Variants in ARHGAP26 observed in about 807,000 individuals in gnomAD.
The protein encoded by ARHGAP26 is rho GTPase-activating protein 26.
In ARHGAP26, 38 loss-of-function variants were observed where a neutral mutation model predicts 104.8. The observed-to-expected ratio is 0.36, with a 90% CI of 0.28 to 0.48. The LOEUF is 0.48. Among genes scored for constraint, ARHGAP26 ranks in the 20% least tolerant of loss-of-function variants. The pLI, the probability that ARHGAP26 is intolerant of heterozygous loss-of-function variation, is 0.99. For synonymous variants in ARHGAP26, 341 were observed against 340.0 expected (o/e 1.00, Z -0.03); for missense variants, 704 against 947.9 (o/e 0.74, Z 3.38).
chr5:142,976,936 A>T (rs1326390130), intron 11 of ARHGAP26, among the ~76,000 whole-genome samples: 1 of 152,198 alleles, frequency 6.6e-6, no homozygotes, highest in Admixed American at 6.5e-5. Flanking sequence ...TGCACGCAAG[A>T]GTACACCTCT....
intron 20 of ARHGAP26, 90 bp downstream of exon 20, chr5:143,147,471 C>T: frequency 7.0e-7 from 1 of 1,436,418 alleles, no homozygotes; most frequent in Non-Finnish European, 9.4e-7. Context: ...TGACTTTGGA[C>T]CATTATCCCC....
intron 1 of ARHGAP26, 119 bp from the exon 2 acceptor site, chr5:142,873,281 A>T (rs188596348): frequency 6.0e-6 from 4 of 663,648 alleles, no homozygotes; most frequent in Non-Finnish European, 1.0e-5. Context: ...GTGCTTTGAA[A>T]TGGACTCAGG....
chr5:142,808,453 C>G (rs1399052882), intron 1 of ARHGAP26, among the ~76,000 whole-genome samples: 1 of 146,666 alleles, frequency 6.8e-6, no homozygotes, highest in Non-Finnish European at 1.5e-5. Flanking sequence ...TTTTTTTTTT[C>G]TCATCAGTTT....
intron 10 of ARHGAP26, among the ~76,000 whole-genome samples, chr5:142,929,527 C>T (rs1764410646): frequency 6.6e-6 from 1 of 152,172 alleles, no homozygotes; most frequent in Admixed American, 6.5e-5. Context: ...TATCTTGGTT[C>T]TTGGAAATTC....
chr5:143,005,597 T>C (rs1452542222), intron 11 of ARHGAP26, among the ~76,000 whole-genome samples: 3 of 152,216 alleles, frequency 2.0e-5, no homozygotes, highest in Admixed American at 1.3e-4. Flanking sequence ...TGAACAGTAG[T>C]ATTCACGGGT....
rs1808400018 is a variant in ARHGAP26 at position 143,205,357 on chromosome 5, A to G, written c.1989-1841A>G. On this transcript the variant is annotated intron_variant, in intron 20 of 22. Coordinates refer to ENST00000645722, the MANE Select transcript of ARHGAP26 (RefSeq NM_001135608.3). Reference sequence around the variant, plus strand: ...AGCTTTAAAGAGTCATACTCTTTACATTTTATTTCTTCTCTTATATGAATG... The same window carrying G: ...AGCTTTAAAGAGTCATACTCTTTACGTTTTATTTCTTCTCTTATATGAATG... Among the ~76,000 whole-genome samples, 3 of 152,118 alleles carry G rather than the reference A, an allele frequency of 2.0e-5. 1 individual carries two copies. Among genetic ancestry groups the G allele is most frequent in the African/African-American group, 7.2e-5 (3 of 41,426 alleles).
At chr5:143,167,482 C>CAAAAAAAAAAAAAAAAAAAAAA (rs6149274) in intron 20 of ARHGAP26, among the ~76,000 whole-genome samples, 2 of 60,088 alleles carry the variant, frequency 3.3e-5, no homozygotes, top group African/African-American at 8.4e-5. Flanking sequence ...GACTCCATCT[C>CAAAAAAAAAAAAAAAAAAAAAA]AAAAAAAAAA....
chr5:143,220,615 C>G (rs1474485588), intron 22 of ARHGAP26, among the ~76,000 whole-genome samples: 3 of 152,166 alleles, frequency 2.0e-5, no homozygotes, highest in African/African-American at 7.2e-5. Context: ...GGCCAGGTTG[C>G]TTTTAAGTTG....
chr5:142,813,041 C>T (rs571059524), intron 1 of ARHGAP26, among the ~76,000 whole-genome samples: 50 of 150,912 alleles, frequency 3.3e-4, no homozygotes, highest in Admixed American at 9.2e-4. Flanking sequence ...GGGTTCACGC[C>T]ATTCTCCTGC....
At chr5:143,058,173 T>C in intron 17 of ARHGAP26, 1 of 425,172 alleles carries the variant, frequency 2.4e-6, no homozygotes, top group Non-Finnish European at 4.6e-6. Flanking sequence ...CTGACTCTGT[T>C]ATTAACCTGC....
intron 11 of ARHGAP26, among the ~76,000 whole-genome samples, chr5:142,950,940 A>G (rs1481673321): frequency 6.6e-6 from 1 of 151,996 alleles, no homozygotes; most frequent in East Asian, 1.9e-4. Flanking sequence ...AGAAGTGAGA[A>G]TAAGACCTTT....
At chr5:142,785,089 C>T (rs1758294697) in intron 1 of ARHGAP26, among the ~76,000 whole-genome samples, 1 of 152,030 alleles carries the variant, frequency 6.6e-6, no homozygotes, top group African/African-American at 2.4e-5. Context: ...CACCACCATG[C>T]CCGGCTAATT....
At chr5:143,067,145 G>A (rs927730880) in intron 17 of ARHGAP26, among the ~76,000 whole-genome samples, 9 of 152,054 alleles carry the variant, frequency 5.9e-5, no homozygotes, top group Admixed American at 1.3e-4. Flanking sequence ...GGGATGGCGC[G>A]TTATATCATG....
At chr5:142,990,826 T>A (rs1598513941) in intron 11 of ARHGAP26, among the ~76,000 whole-genome samples, 1 of 152,142 alleles carries the variant, frequency 6.6e-6, no homozygotes, top group Non-Finnish European at 1.5e-5. Flanking sequence ...CTCTGGAAGC[T>A]TCATCTCAGA....
intron 10 of ARHGAP26, among the ~76,000 whole-genome samples, chr5:142,931,757 T>TTGAACAACGTCTA (rs1405620702): frequency 6.6e-6 from 1 of 152,242 alleles, no homozygotes; most frequent in South Asian, 2.1e-4. Flanking sequence ...TTTCAAGGAA[T>TTGAACAACGTCTA]TGAACAACGT....
At chr5:143,199,934 A>G (rs1807444584) in intron 20 of ARHGAP26, among the ~76,000 whole-genome samples, 1 of 152,134 alleles carries the variant, frequency 6.6e-6, no homozygotes. Flanking sequence ...ATACCTTTCA[A>G]CTAGGGGGTC....
At chr5:143,181,101 A>G (rs1804270687) in intron 20 of ARHGAP26, among the ~76,000 whole-genome samples, 1 of 152,270 alleles carries the variant, frequency 6.6e-6, no homozygotes, top group South Asian at 2.1e-4. Flanking sequence ...CCTCAGCCCA[A>G]GCCTTGGCCA....
intron 1 of ARHGAP26, among the ~76,000 whole-genome samples, chr5:142,835,109 GCTTTT>G (rs1175555724): frequency 6.6e-6 from 1 of 152,132 alleles, no homozygotes; most frequent in Non-Finnish European, 1.5e-5. Flanking sequence ...TTTAAGGATT[GCTTTT>G]CTTTGGTAAA....
chr5:142,954,101 C>T (rs1222567786), intron 11 of ARHGAP26, among the ~76,000 whole-genome samples: 1 of 152,222 alleles, frequency 6.6e-6, no homozygotes, highest in Non-Finnish European at 1.5e-5. Flanking sequence ...TGCGTTCTAA[C>T]CCCACAGCCC....
Sources: allele counts gnomAD v4.1 joint callset (sites outside exome capture counted in the v4.1 genomes callset), GRCh38; gene constraint gnomAD v4.1.1; transcripts MANE v1.5; gene names NCBI Gene and HGNC (gene_info 2026-07-23, HGNC 2026-07-21).